Variants in ZNF521 observed in about 807,000 individuals in gnomAD.
ZNF521 encodes LYST-interacting protein 3.
In ZNF521, 14 loss-of-function variants were observed where a neutral mutation model predicts 105.5. The observed-to-expected ratio is 0.13, with a 90% CI of 0.09 to 0.21. The LOEUF (loss-of-function observed/expected upper bound fraction) is 0.21. ZNF521 is among the 10% of genes least tolerant of loss of function. ZNF521 has a pLI of 1.00. For missense variants in ZNF521, 1,233 were observed against 1,629.7 expected (o/e 0.76, Z 4.19); for synonymous variants, 635 against 606.0 (o/e 1.05, Z -0.70).
chr18:25,168,348 C>T (rs2144549401), intron 5 of ZNF521, among the ~76,000 whole-genome samples: 1 of 152,300 alleles, frequency 6.6e-6, no homozygotes, highest in East Asian at 1.9e-4. Flanking sequence ...GTTGGCTCCA[C>T]ATACGACAGC....
chr18:25,121,619 G>A (rs1228621917), intron 5 of ZNF521, among the ~76,000 whole-genome samples: 1 of 152,126 alleles, frequency 6.6e-6, no homozygotes, highest in Admixed American at 6.5e-5. Flanking sequence ...ACCCAGCAGA[G>A]TGACCACCAT....
chr18:25,063,321 G>A (rs988615782), intron 7 of ZNF521, among the ~76,000 whole-genome samples: 68 of 152,158 alleles, frequency 4.5e-4, no homozygotes, highest in Admixed American at 2.0e-4. Flanking sequence ...ATGGACAGTG[G>A]GAGCAGCCCC....
rs538290786 is a variant in ZNF521, at chr18:25,255,239, A to C, written c.221-27542T>G. ...ACAAAACATGAACCTGTTTGAGATTACTTTATATTTTTACAATTATTATTG... is the reference window on the plus strand; with the variant it reads ...ACAAAACATGAACCTGTTTGAGATTCCTTTATATTTTTACAATTATTATTG... On this transcript the variant is annotated intron_variant, in intron 3 of 7. Transcript: ENST00000361524. Among the ~76,000 whole-genome samples the C allele has an allele frequency of 1.3e-3, 199 of 152,236 alleles. 1 individual carries two copies. The highest frequency in any genetic ancestry group is 4.7e-3 in the African/African-American group (194 of 41,568).
chr18:25,074,813 G>A (rs1369956564), intron 7 of ZNF521, among the ~76,000 whole-genome samples: 1 of 151,976 alleles, frequency 6.6e-6, no homozygotes, highest in Admixed American at 6.6e-5. Context: ...GTCTCTGTGG[G>A]ACAGTTTCCT....
chr18:25,086,783 C>T (rs1160784088), intron 7 of ZNF521, among the ~76,000 whole-genome samples: 1 of 152,018 alleles, frequency 6.6e-6, no homozygotes, highest in African/African-American at 2.4e-5. Flanking sequence ...GCCCAGATCA[C>T]AATTTGTATG....
chr18:25,104,357 C>T (rs1169016676), intron 5 of ZNF521, among the ~76,000 whole-genome samples: 1 of 152,182 alleles, frequency 6.6e-6, no homozygotes, highest in Non-Finnish European at 1.5e-5. Context: ...TTTAAAGGCT[C>T]TGTTTTGCCT....
At chr18:25,215,158 G>C (rs1488138854) in intron 4 of ZNF521, among the ~76,000 whole-genome samples, 3 of 152,016 alleles carry the variant, frequency 2.0e-5, no homozygotes, top group Non-Finnish European at 4.4e-5. Context: ...ATAGGAAATA[G>C]GAATTCCTAT....
intron 3 of ZNF521, among the ~76,000 whole-genome samples, chr18:25,304,265 T>TA (rs1399745275): frequency 6.6e-6 from 1 of 152,236 alleles, no homozygotes; most frequent in Non-Finnish European, 1.5e-5. Flanking sequence ...TCTGTTGAAT[T>TA]AAGAGACTGG....
chr18:25,178,882 G>A (rs1187742113), intron 5 of ZNF521, among the ~76,000 whole-genome samples: 1 of 152,126 alleles, frequency 6.6e-6, no homozygotes, highest in Admixed American at 6.5e-5. Context: ...TGCACCAGCT[G>A]AAAGTGATGT....
At chr18:25,144,804 C>T (rs2034912536) in intron 5 of ZNF521, among the ~76,000 whole-genome samples, 1 of 152,164 alleles carries the variant, frequency 6.6e-6, no homozygotes, top group Non-Finnish European at 1.5e-5. Context: ...AACTGGAAAA[C>T]GCAGGAGGAA....
At chr18:25,320,184 T>C (rs1320727558) in intron 3 of ZNF521, among the ~76,000 whole-genome samples, 1 of 152,208 alleles carries the variant, frequency 6.6e-6, no homozygotes, top group Non-Finnish European at 1.5e-5. Context: ...AACTTTCTTT[T>C]TTTTTGAGAC....
chr18:25,081,964 T>A (rs553713650), intron 7 of ZNF521, among the ~76,000 whole-genome samples: 2 of 152,318 alleles, frequency 1.3e-5, no homozygotes, highest in Admixed American at 1.3e-4. Flanking sequence ...CTGATTGAAT[T>A]ATCCAATATT....
chr18:25,271,711 C>A (rs535154099), intron 3 of ZNF521, among the ~76,000 whole-genome samples: 1 of 152,108 alleles, frequency 6.6e-6, no homozygotes, highest in East Asian at 1.9e-4. Flanking sequence ...AATTGGCTAG[C>A]CATATGCAGA....
intron 2 of ZNF521, among the ~76,000 whole-genome samples, chr18:25,331,578 C>T (rs1288789483): frequency 2.0e-5 from 3 of 152,140 alleles, no homozygotes; most frequent in East Asian, 1.9e-4. Flanking sequence ...GAAAAATCTG[C>T]GGCTAAATGC....
chr18:25,279,924 A>T (rs1469185435), intron 3 of ZNF521, among the ~76,000 whole-genome samples: 2 of 152,226 alleles, frequency 1.3e-5, no homozygotes, highest in African/African-American at 2.4e-5. Flanking sequence ...CATAAATTAT[A>T]GGCTTTTATG....
chr18:25,305,737 T>C (rs935465798), intron 3 of ZNF521, among the ~76,000 whole-genome samples: 2 of 152,212 alleles, frequency 1.3e-5, no homozygotes, highest in African/African-American at 4.8e-5. Flanking sequence ...TAATAACTCA[T>C]ACTAATTCTT....
At chr18:25,341,756 G>A (rs541398170) in intron 2 of ZNF521, among the ~76,000 whole-genome samples, 4 of 152,154 alleles carry the variant, frequency 2.6e-5, no homozygotes, top group Non-Finnish European at 4.4e-5. Context: ...ACACACGTAC[G>A]TCCTTCTCCT....
intron 4 of ZNF521, chr18:25,201,702 G>A (rs1190940757): frequency 2.6e-5 from 4 of 152,150 alleles, no homozygotes; most frequent in Non-Finnish European, 2.9e-5. Context: ...AAATCAGGAT[G>A]TTGTACAATG....
In ZNF521 at chr18:25,064,391, A is replaced by G. The variant is rs143008013; in HGVS notation, c.3907-1650T>C. ...CAGGGAGGGCACTCTAGGCCAAGGG[A>G]CCCACATGGGTCAGGGCAATGAAAC... On this transcript the variant is annotated intron_variant, in intron 7 of 7. Transcript: ENST00000361524. 2.3e-3 allele frequency among the ~76,000 whole-genome samples: 347 copies of G among 152,272 alleles called. 2 individuals are homozygous for G. The highest frequency in any genetic ancestry group is 8.0e-3 in the African/African-American group (333 of 41,572).
Sources: allele counts gnomAD v4.1 joint callset (sites outside exome capture counted in the v4.1 genomes callset), GRCh38; gene constraint gnomAD v4.1.1; transcripts MANE v1.5; gene names NCBI Gene and HGNC (gene_info 2026-07-23, HGNC 2026-07-21).